The following EFNA5 variants were observed in gnomAD, a reference collection of about 807,000 sequenced individuals.
EFNA5 encodes ephrin-A5.
A neutral mutation model predicts 22.9 loss-of-function variants in EFNA5; 5 were observed. The observed-to-expected ratio is 0.22, with a 90% CI of 0.11 to 0.46. The LOEUF (loss-of-function observed/expected upper bound fraction) is 0.46, where lower values mean the gene tolerates loss of function less well. Ranked by LOEUF, EFNA5 falls within the 20% of genes least tolerant of loss-of-function variation. The probability of loss-of-function intolerance (pLI) is 0.99; values close to 1 mark genes in which losing one functional copy is unlikely to be tolerated. For missense variants in EFNA5, 237 were observed against 293.3 expected (o/e 0.81, Z 1.40); for synonymous variants, 113 against 112.2 (o/e 1.01, Z -0.04).
chr5:107,411,192 C>T (rs1018200174), intron 2 of EFNA5, among the ~76,000 whole-genome samples: 2 of 152,174 alleles, frequency 1.3e-5, no homozygotes, highest in Non-Finnish European at 2.9e-5. Context: ...GGATTAACTG[C>T]ATAAATCTTC....
At chr5:107,445,301 G>C (rs542024098) in intron 1 of EFNA5, among the ~76,000 whole-genome samples, 1 of 152,126 alleles carries the variant, frequency 6.6e-6, no homozygotes, top group African/African-American at 2.4e-5. Flanking sequence ...GGGATTACAG[G>C]TGTGAGCCAC....
chr5:107,407,279 G>A (rs990560431), intron 2 of EFNA5, among the ~76,000 whole-genome samples: 7 of 152,210 alleles, frequency 4.6e-5, no homozygotes, highest in African/African-American at 1.4e-4. Context: ...GCCCGAAAAC[G>A]TCTAAGGAGT....
chr5:107,589,310 C>A (rs1266038730), intron 1 of EFNA5, among the ~76,000 whole-genome samples: 1 of 152,172 alleles, frequency 6.6e-6, no homozygotes, highest in African/African-American at 2.4e-5. Context: ...CAGAATTGGT[C>A]ATTTGAGTTT....
chr5:107,638,762 A>G (rs1314673366), intron 1 of EFNA5, among the ~76,000 whole-genome samples: 2 of 152,188 alleles, frequency 1.3e-5, no homozygotes, highest in African/African-American at 2.4e-5. Flanking sequence ...ACGGATACCG[A>G]GGGATGAATG....
chr5:107,449,914 T>G (rs150123334), intron 1 of EFNA5, among the ~76,000 whole-genome samples: 3 of 152,326 alleles, frequency 2.0e-5, no homozygotes, highest in African/African-American at 7.2e-5. Context: ...GTTGACAATA[T>G]GTTAAGCAGA....
chr5:107,384,415 GA>G (rs1747554484), intron 4 of EFNA5, among the ~76,000 whole-genome samples: 1 of 152,188 alleles, frequency 6.6e-6, no homozygotes, highest in Admixed American at 6.5e-5. Context: ...CTGGCAGGCA[GA>G]GTGTGCAAGC....
At chr5:107,411,094 TAA>T (rs1319964735) in intron 2 of EFNA5, among the ~76,000 whole-genome samples, 3 of 152,178 alleles carry the variant, frequency 2.0e-5, no homozygotes, top group African/African-American at 4.8e-5. Flanking sequence ...TAGAAAAATA[TAA>T]GAGTACTAGA....
intron 1 of EFNA5, among the ~76,000 whole-genome samples, chr5:107,523,767 T>C (rs1747642197): frequency 6.6e-6 from 1 of 152,240 alleles, no homozygotes; most frequent in South Asian, 2.1e-4. Context: ...AGACTTTCCT[T>C]CTTCTCTTTA....
chr5:107,491,134 G>C (rs901035878), intron 1 of EFNA5, among the ~76,000 whole-genome samples: 3 of 152,180 alleles, frequency 2.0e-5, no homozygotes, highest in African/African-American at 7.2e-5. Flanking sequence ...TCTTGGCTTT[G>C]TCACCATTAG....
At chr5:107,569,585 A>T (rs462529) in intron 1 of EFNA5, among the ~76,000 whole-genome samples, 13,131 of 38,970 alleles carry the variant, frequency 0.34, 2,679 homozygotes, top group African/African-American at 0.61. Context: ...ATATATATAT[A>T]TATATATATA....
At chr5:107,470,606 C>T (rs1179193021) in intron 1 of EFNA5, among the ~76,000 whole-genome samples, 1 of 152,156 alleles carries the variant, frequency 6.6e-6, no homozygotes, top group Non-Finnish European at 1.5e-5. Context: ...TAAAATGTGC[C>T]TCTAAATTCT....
At chr5:107,456,125 T>G (rs1040565062) in intron 1 of EFNA5, among the ~76,000 whole-genome samples, 2 of 152,162 alleles carry the variant, frequency 1.3e-5, no homozygotes, top group African/African-American at 4.8e-5. Context: ...AGGTCCATAT[T>G]CCACATGGAG....
rs568765131 is a variant in EFNA5 at position 107,574,686 on chromosome 5, G to C, written c.125+95803C>G. On this transcript the variant is annotated intron_variant, in intron 1 of 4. Transcript: ENST00000333274. Reference sequence around the variant, plus strand: ...CCCTGGGCTTGAAGCTATATGGAAGGGGGGAAAAAGACTAAGGCAAACTTA... The same window carrying C: ...CCCTGGGCTTGAAGCTATATGGAAGCGGGGAAAAAGACTAAGGCAAACTTA... 3.3e-5 allele frequency among the ~76,000 whole-genome samples: 5 copies of C among 152,278 alleles called. No homozygotes were observed. The South Asian group carries it at 1.0e-3, about 32-fold the overall frequency.
intron 1 of EFNA5, among the ~76,000 whole-genome samples, chr5:107,525,485 T>C (rs1004894128): frequency 2.0e-5 from 3 of 152,318 alleles, no homozygotes; most frequent in Non-Finnish European, 4.4e-5. Context: ...AAACCTTAAA[T>C]ACTAATAGCC....
At chr5:107,584,203 C>T (rs2112496853) in intron 1 of EFNA5, among the ~76,000 whole-genome samples, 1 of 152,282 alleles carries the variant, frequency 6.6e-6, no homozygotes, top group Non-Finnish European at 1.5e-5. Context: ...ACTTTGTCCT[C>T]AAGAGATCGA....
At chr5:107,398,694 AT>A (rs1007566050) in intron 2 of EFNA5, among the ~76,000 whole-genome samples, 15 of 149,218 alleles carry the variant, frequency 1.0e-4, no homozygotes, top group African/African-American at 1.5e-4. Flanking sequence ...ATAAAAAAAA[AT>A]TTTTTTTTTA....
intron 1 of EFNA5, among the ~76,000 whole-genome samples, chr5:107,536,094 G>A (rs971460968): frequency 2.0e-5 from 3 of 152,176 alleles, no homozygotes; most frequent in Non-Finnish European, 2.9e-5. Context: ...GTACCTGACT[G>A]ATATGAGGGA....
chr5:107,429,039 T>G (rs1748879021), intron 1 of EFNA5, among the ~76,000 whole-genome samples: 1 of 152,212 alleles, frequency 6.6e-6, no homozygotes, highest in Non-Finnish European at 1.5e-5. Flanking sequence ...TTCTTGACCC[T>G]TCTCATAGTC....
At chr5:107,561,803 T>C (rs1217197943) in intron 1 of EFNA5, among the ~76,000 whole-genome samples, 2 of 152,198 alleles carry the variant, frequency 1.3e-5, no homozygotes, top group East Asian at 3.8e-4. Flanking sequence ...CCATAAAATA[T>C]TCTCATCTAA....
Sources: gnomAD v4.1 joint callset for allele counts (sites outside exome capture counted in the v4.1 genomes callset) on GRCh38, gnomAD v4.1.1 for gene constraint, MANE v1.5 for transcripts, NCBI Gene and HGNC (gene_info 2026-07-23, HGNC 2026-07-21) for gene names.